PCED1B: variants seen among roughly 807,000 people sequenced by gnomAD.
PCED1B encodes the protein PC-esterase domain containing 1B.
For synonymous variants in PCED1B, 251 were observed against 246.1 expected (o/e 1.02, Z -0.19); for missense variants, 573 against 573.9 (o/e 1.00, Z 0.02).
chr12:47,098,701 C>G (rs2137206919), intron 1 of PCED1B, among the ~76,000 whole-genome samples: 1 of 152,274 alleles, frequency 6.6e-6, no homozygotes, highest in Admixed American at 6.5e-5. Flanking sequence ...CCAGGATGGT[C>G]TTGATCTCCT....
intron 1 of PCED1B, among the ~76,000 whole-genome samples, chr12:47,096,082 C>G (rs1299116239): frequency 2.0e-5 from 3 of 152,086 alleles, no homozygotes; most frequent in Admixed American, 2.0e-4. Context: ...AAGACCACAT[C>G]CTCATCTCGG....
At chr12:47,161,079 G>A (rs12578995) in intron 2 of PCED1B, among the ~76,000 whole-genome samples, 89,611 of 152,034 alleles carry the variant, frequency 0.59, 27,392 homozygotes, top group South Asian at 0.73. Flanking sequence ...CCAGAAGCCA[G>A]ATGAATGCTG....
intron 2 of PCED1B, among the ~76,000 whole-genome samples, chr12:47,174,121 A>C (rs1941842627): frequency 6.6e-6 from 1 of 152,072 alleles, no homozygotes; most frequent in South Asian, 2.1e-4. Flanking sequence ...CTCTATAAAA[A>C]AATATGGCCG....
intron 2 of PCED1B, among the ~76,000 whole-genome samples, chr12:47,159,340 C>T (rs1941296471): frequency 6.6e-6 from 1 of 152,150 alleles, no homozygotes. Context: ...TCCGTAATGG[C>T]TGTACTAATT....
intron 2 of PCED1B, among the ~76,000 whole-genome samples, chr12:47,149,927 T>C (rs1364993063): frequency 2.0e-5 from 3 of 152,212 alleles, no homozygotes; most frequent in Non-Finnish European, 4.4e-5. Context: ...AGCTAAAACA[T>C]CTTAAGATAT....
In PCED1B at chr12:47,236,097, A is replaced by G; in HGVS notation, c.1034A>G (p.Asp345Gly). 1.2e-6 allele frequency: 2 copies of G among 1,613,922 alleles called. No individual in the cohort carries two copies. Among genetic ancestry groups the G allele is most frequent in the Non-Finnish European group, 1.7e-6 (2 of 1,179,958 alleles). Residue 345 changes from aspartate to glycine, a missense_variant, in exon 4 of 4, where the codon GAC becomes GGC. Transcript: ENST00000546455. ...QGPPDACFSS[D>G]HTFQSDQFYC... ...CCCCCAGATGCCTGTTTTTCCTCAG[A>G]CCATACTTTCCAGTCGGATCAATTC...
chr12:47,226,137 T>TC (rs1943624293), intron 3 of PCED1B, among the ~76,000 whole-genome samples: 1 of 152,204 alleles, frequency 6.6e-6, no homozygotes. Flanking sequence ...AAAATTTACT[T>TC]TGAAAACAGA....
chr12:47,195,662 C>G (rs1457542665), intron 2 of PCED1B, among the ~76,000 whole-genome samples: 1 of 152,172 alleles, frequency 6.6e-6, no homozygotes, highest in Non-Finnish European at 1.5e-5. Context: ...AAGAAGGTTG[C>G]TCACAGCAGC....
At chr12:47,127,431 C>T (rs1939936145) in intron 2 of PCED1B, among the ~76,000 whole-genome samples, 1 of 146,088 alleles carries the variant, frequency 6.8e-6, no homozygotes, top group South Asian at 2.1e-4. Flanking sequence ...TGCAGCAGTA[C>T]GATCTTGGCT....
At chr12:47,214,442 G>A (rs932939321) in intron 2 of PCED1B, among the ~76,000 whole-genome samples, 2 of 152,102 alleles carry the variant, frequency 1.3e-5, no homozygotes, top group East Asian at 3.9e-4. Flanking sequence ...AGGGAAAATG[G>A]CTTCCTCCCT....
chr12:47,134,781 T>G (rs967134921), intron 2 of PCED1B, among the ~76,000 whole-genome samples: 7 of 152,162 alleles, frequency 4.6e-5, no homozygotes, highest in Admixed American at 3.3e-4. Context: ...GGCAGGAGAA[T>G]TGCTTGAACC....
intron 3 of PCED1B, among the ~76,000 whole-genome samples, chr12:47,233,825 T>C (rs745412938): frequency 2.4e-4 from 37 of 152,168 alleles, no homozygotes; most frequent in Non-Finnish European, 5.9e-5. Flanking sequence ...CATTTTGGGG[T>C]GGCATATTCC....
At position 47,235,596 on chromosome 12, in the gene PCED1B, C is replaced by T. The variant is rs1156718088; in HGVS notation, c.533C>T (p.Pro178Leu). The change falls in exon 4 of 4, where the codon CCG becomes CTG. Residue 178 changes from proline to leucine, a missense_variant. Coordinates refer to ENST00000546455, the MANE Select transcript of PCED1B (RefSeq NM_138371.3). ...GAGGAAGTCACCGGGGGTTTTCTTC[C>T]GCCCAAGCTCCGGCGGCAGAAGGCC... Reference protein sequence around the residue: ...VGEEVTGGFLPPKLRRQKATF... With the variant: ...VGEEVTGGFLLPKLRRQKATF... The T allele has an allele frequency of 6.2e-7, 1 of 1,608,040 alleles. No individual in the cohort carries two copies. Among genetic ancestry groups the T allele is most frequent in the Non-Finnish European group, 8.5e-7 (1 of 1,176,584 alleles).
chr12:47,089,241 G>A (rs1341499476), intron 1 of PCED1B, among the ~76,000 whole-genome samples: 2 of 151,770 alleles, frequency 1.3e-5, no homozygotes, highest in Admixed American at 6.6e-5. Flanking sequence ...AGGAGATCGA[G>A]ACCATCCTGG....
chr12:47,224,667 A>G (rs746217519), intron 3 of PCED1B, among the ~76,000 whole-genome samples: 8 of 152,136 alleles, frequency 5.3e-5, no homozygotes, highest in Non-Finnish European at 8.8e-5. Flanking sequence ...GACTACCTGG[A>G]TAACCAACTT....
intron 2 of PCED1B, among the ~76,000 whole-genome samples, chr12:47,124,579 A>G (rs2137322468): frequency 6.6e-6 from 1 of 151,682 alleles, no homozygotes; most frequent in East Asian, 1.9e-4. Flanking sequence ...TCTCTGGGGA[A>G]GATAAGTACG....
At chr12:47,135,911 G>C (rs1403585405) in intron 2 of PCED1B, 2 of 228,400 alleles carry the variant, frequency 8.8e-6, no homozygotes, top group East Asian at 2.2e-4. Context: ...TGGTCTCCAG[G>C]GAGAACCAGC....
At chr12:47,135,537 C>G in intron 2 of PCED1B, 1 of 513,088 alleles carries the variant, frequency 1.9e-6, no homozygotes, top group South Asian at 1.5e-5. Context: ...GCAGAATGGT[C>G]AGGAGGATGC....
intron 2 of PCED1B, among the ~76,000 whole-genome samples, chr12:47,215,557 C>T (rs1486897522): frequency 6.6e-6 from 1 of 152,076 alleles, no homozygotes; most frequent in Admixed American, 6.6e-5. Context: ...CCAGACGAAC[C>T]ATCTCCCTTT....
Sources: allele counts gnomAD v4.1 joint callset (sites outside exome capture counted in the v4.1 genomes callset), GRCh38; gene constraint gnomAD v4.1.1; transcripts MANE v1.5; gene names NCBI Gene and HGNC (gene_info 2026-07-23, HGNC 2026-07-21).